The following CELA3B variants were observed in gnomAD, a reference collection of about 807,000 sequenced individuals.
CELA3B encodes the protein chymotrypsin-like elastase family member 3B.
In CELA3B, 34 loss-of-function variants were observed where a neutral mutation model predicts 37.2. That is an observed-to-expected ratio of 0.91 (90% CI 0.70 to 1.22). The LOEUF (loss-of-function observed/expected upper bound fraction) is 1.22. Among genes scored for constraint, CELA3B ranks in the 50% most tolerant of loss-of-function variants. The pLI is 0.00. For synonymous variants in CELA3B, 127 were observed against 143.5 expected, an observed-to-expected ratio of 0.89 and a Z score of 0.82; for missense variants, 340 against 363.1, an observed-to-expected ratio of 0.94 and a Z score of 0.52.
In CELA3B at chr1:21,986,626, C is replaced by A. The variant is rs774820124; in HGVS notation, c.738C>A (p.Thr246=). The A allele has an allele frequency of 1.9e-6, 3 of 1,614,082 alleles. No individual in the cohort carries two copies. The highest frequency in any genetic ancestry group is 2.5e-6 in the Non-Finnish European group (3 of 1,180,026). The change falls in exon 7 of 8, where the codon ACC becomes ACA. Residue 246 remains threonine, a synonymous_variant. Transcript: ENST00000337107. The stretch of plus-strand genomic sequence containing the variant: ...TTGTTTCTGCCTTTGGCTGCAACAC[C>A]CGCAGGAAGCCCACGGTGTTCACTC... ...TSFVSAFGCN[T]RRKPTVFTRV... is the part of the protein sequence containing the mutation.
At chr1:21,992,745 G>A (rs150392193), downstream of CELA3B, among the ~76,000 whole-genome samples, 736 of 151,266 alleles carry the variant, frequency 4.9e-3, 37 homozygotes, top group African/African-American at 0.017. Context: ...GGAGGTTAGG[G>A]TAGGAGGACT....
rs762457505 is a variant in CELA3B at position 21,984,340 on chromosome 1, G to A, written c.642+9G>A. 43 of 1,611,216 alleles carry A rather than the reference G, an allele frequency of 2.7e-5. 1 individual carries two copies. The highest frequency in any genetic ancestry group is 2.2e-4 in the Admixed American group (13 of 59,840). On this transcript the variant is annotated intron_variant, in intron 6 of 7. Transcript: ENST00000337107. ...TCCGCTCCGGCTGCAATGTGAGTCA[G>A]CTCTTACCTGCCCGAGGTGGTGCTG...
chr1:21,983,022 G>C (rs557614264), intron 4 of CELA3B, among the ~76,000 whole-genome samples: 1 of 152,288 alleles, frequency 6.6e-6, no homozygotes, highest in South Asian at 2.1e-4. Context: ...CCAAGGGTCA[G>C]AGTGACCCAA....
rs898044811 is a variant in CELA3B at position 21,998,211 on chromosome 1, G to A, written c.*22G>A. On this transcript the variant is annotated 3_prime_UTR_variant, in exon 5 of 5. Transcript: ENST00000400277. ...TTAGGACCACTGTGTGTGATTCACC[G>A]TGAACACTGGCATATTAAAGGCTCT... The A allele has an allele frequency of 3.0e-5, 14 of 469,762 alleles. No homozygotes were observed. The East Asian group carries it at 4.2e-4, about 14-fold the overall frequency. 29.1% of individuals were successfully genotyped at this position (469,762 alleles called of 1,614,324 possible). A position where few individuals can be genotyped will look rare whatever the true frequency, so the allele number is the denominator to read the frequency against.
chr1:21,979,617 T>G (rs1044644304), intron 2 of CELA3B, among the ~76,000 whole-genome samples: 2 of 151,486 alleles, frequency 1.3e-5, no homozygotes, highest in Non-Finnish European at 2.9e-5. Context: ...CATGCCCAGC[T>G]AATTTTTATA....
intron 6 of CELA3B, among the ~76,000 whole-genome samples, chr1:21,984,944 C>G (rs1031768232): frequency 3.3e-5 from 5 of 151,038 alleles, no homozygotes; most frequent in African/African-American, 1.2e-4. Flanking sequence ...GAGACTCTGT[C>G]TAAAAAAAAA....
chr1:21,996,199 A>G (rs973732535), intron 4 of CELA3B, among the ~76,000 whole-genome samples: 1 of 151,232 alleles, frequency 6.6e-6, no homozygotes, highest in African/African-American at 2.5e-5. Context: ...AGCGACAGCC[A>G]GGTAAAATGA....
At chr1:21,989,113 T>G in intron 7 of CELA3B, 149 bp from the exon 8 acceptor site, 2 of 1,477,448 alleles carry the variant, frequency 1.4e-6, no homozygotes, top group Non-Finnish European at 1.9e-6. Flanking sequence ...TCATTATCCC[T>G]ACTACATAGA....
chr1:21,984,155 C>T (rs777286937), intron 5 of CELA3B, 34 bp from the exon 6 acceptor site: 1 of 1,601,576 alleles, frequency 6.2e-7, no homozygotes, highest in African/African-American at 1.3e-5. Context: ...CCTGTGCCCC[C>T]AGACCCCTGA....
rs149150052 is a variant in CELA3B, at chr1:21,996,622, G to A, written c.505-1529G>A. ...TGCTTTCACTTTCCTCTACGAACTC[G>A]CCCTGAATTCTTTCTTGCACAAGAT... On this transcript the variant is annotated intron_variant, in intron 4 of 4. Transcript: ENST00000400277. 5.6e-3 allele frequency among the ~76,000 whole-genome samples: 849 copies of A among 150,962 alleles called. 51 individuals are homozygous for A. Among genetic ancestry groups the A allele is most frequent in the African/African-American group, 0.019 (794 of 40,722 alleles).
At chr1:21,995,950 C>T (rs1454227521) in intron 4 of CELA3B, among the ~76,000 whole-genome samples, 3 of 149,736 alleles carry the variant, frequency 2.0e-5, no homozygotes, top group African/African-American at 5.0e-5. Flanking sequence ...CGCAGTGGCT[C>T]AGCCTGTAAT....
At chr1:21,980,706 T>C (rs112577356) in intron 2 of CELA3B, 118 bp from the exon 3 acceptor site, 43,599 of 754,414 alleles carry the variant, frequency 0.058, 2,581 homozygotes, top group African/African-American at 0.23. Flanking sequence ...TGGGTGCTCT[T>C]GTTTTCCGTG....
intron 4 of CELA3B, among the ~76,000 whole-genome samples, chr1:21,997,061 G>A (rs1286161691): frequency 6.6e-6 from 1 of 151,304 alleles, no homozygotes; most frequent in African/African-American, 2.4e-5. Context: ...GTGCTCCAAA[G>A]TTAAAAGTTA....
downstream of CELA3B, among the ~76,000 whole-genome samples, chr1:21,992,589 G>A (rs1381011865): frequency 1.3e-5 from 2 of 151,420 alleles, no homozygotes; most frequent in Non-Finnish European, 2.9e-5. Flanking sequence ...GCAGGAGCAG[G>A]GGGTGTGTTA....
intron 6 of CELA3B, among the ~76,000 whole-genome samples, chr1:21,985,106 G>C (rs1213484642): frequency 6.6e-6 from 1 of 151,146 alleles, no homozygotes; most frequent in African/African-American, 2.4e-5. Context: ...ATAGTGAGAT[G>C]CCCATCTACA....
rs776983947 is a variant in CELA3B at position 21,981,041 on chromosome 1, C to T, written c.231C>T (p.Ser77=). 1 of 1,614,020 alleles carries T rather than the reference C, an allele frequency of 6.2e-7. No individual in the cohort carries two copies. Among genetic ancestry groups the T allele is most frequent in the African/African-American group, 1.3e-5 (1 of 74,928 alleles). ...WVVTAGHCIS[S]SRTYQVVLGE... is the part of the protein sequence containing the mutation. ...CTGACCTCACCTCCGCCCGCAGGAG[C>T]TCCCGGACCTACCAGGTGGTGTTGG... Residue 77 remains serine (S), a synonymous_variant, in exon 4 of 8, where the codon AGC becomes AGT. Coordinates refer to ENST00000337107, the MANE Select transcript of CELA3B (RefSeq NM_007352.4).
chr1:21,988,966 G>T (rs10799726), intron 7 of CELA3B, among the ~76,000 whole-genome samples: 140,969 of 151,860 alleles, frequency 0.93, 65,426 homozygotes, highest in Non-Finnish European at 0.99. Context: ...TACACACACA[G>T]ACGTATATAT....
rs112909663 is a variant in CELA3B at position 21,983,791 on chromosome 1, G to A, written c.460G>A (p.Glu154Lys). Residue 154 changes from glutamate (E) to lysine (K), a missense_variant, in exon 5 of 8, where the codon GAG becomes AAG. Glu to Lys is a moderately conservative substitution (Grantham distance 56). Transcript: ENST00000337107. ...LPPAGDILPN[E>K]TPCYITGWGR... Reference sequence around the variant, plus strand: ...TCCGGCTGGTGACATCCTTCCCAACGAGACACCCTGCTACATCACCGGCTG... The same window carrying A: ...TCCGGCTGGTGACATCCTTCCCAACAAGACACCCTGCTACATCACCGGCTG... 190 of 1,613,418 alleles carry A rather than the reference G, an allele frequency of 1.2e-4. No homozygotes were observed. The highest frequency in any genetic ancestry group is 5.0e-4 in the Middle Eastern group (3 of 6,058).
downstream of CELA3B, among the ~76,000 whole-genome samples, chr1:21,991,914 C>G (rs12132088): frequency 0.47 from 70,235 of 150,258 alleles, 19,066 homozygotes; most frequent in African/African-American, 0.68. Context: ...GAGGTCAGGA[C>G]TTTGTGACCA....
Sources: gnomAD v4.1 joint callset for allele counts (sites outside exome capture counted in the v4.1 genomes callset) on GRCh38, gnomAD v4.1.1 for gene constraint, MANE v1.5 for transcripts, NCBI Gene and HGNC (gene_info 2026-07-23, HGNC 2026-07-21) for gene names.